Variants in SLC14A2 observed in about 807,000 individuals in gnomAD.
SLC14A2 encodes urea transporter 2.
Under a neutral mutation model 104.6 loss-of-function variants are expected in SLC14A2, and 91 were observed. The observed-to-expected ratio is 0.87, with a 90% confidence interval of 0.73 to 1.04. SLC14A2 has a LOEUF of 1.04. Ranked by LOEUF, SLC14A2 falls within the 50% of genes least tolerant of loss-of-function variation. The pLI, the probability that SLC14A2 is intolerant of heterozygous loss-of-function variation, is 0.00. For missense variants in SLC14A2, 1,189 were observed against 1,156.0 expected (o/e 1.03, Z -0.41); for synonymous variants, 476 against 466.4 (o/e 1.02, Z -0.27).
At chr18:45,643,070 T>A in intron 8 of SLC14A2, 62 bp from the exon 9 acceptor site, 1 of 1,503,680 alleles carries the variant, frequency 6.7e-7, no homozygotes, top group South Asian at 1.1e-5. Flanking sequence ...TGGTCTGCAA[T>A]GGCAGTGGCT....
At chr18:45,332,104 G>A (rs778032667) in intron 1 of SLC14A2, among the ~76,000 whole-genome samples, 2 of 152,138 alleles carry the variant, frequency 1.3e-5, no homozygotes, top group Non-Finnish European at 2.9e-5. Context: ...CTGAAGTTAA[G>A]GGAAGCTGTA....
intron 1 of SLC14A2, among the ~76,000 whole-genome samples, chr18:45,371,147 G>A (rs542697727): frequency 1.8e-4 from 28 of 152,292 alleles, no homozygotes; most frequent in African/African-American, 6.3e-4. Flanking sequence ...AGTCAAAAAT[G>A]TTTGATCTTG....
chr18:45,662,738 G>C (rs73956508), intron 10 of SLC14A2, among the ~76,000 whole-genome samples: 53 of 152,254 alleles, frequency 3.5e-4, no homozygotes, highest in African/African-American at 1.3e-3. Flanking sequence ...CAGAAAATAT[G>C]CAGATGTAAT....
intron 2 of SLC14A2, among the ~76,000 whole-genome samples, chr18:45,607,056 T>C (rs2044883793): frequency 6.6e-6 from 1 of 152,222 alleles, no homozygotes; most frequent in South Asian, 2.1e-4. Flanking sequence ...ACTGTTTTAA[T>C]ATTTTCTTAC....
intron 1 of SLC14A2, among the ~76,000 whole-genome samples, chr18:45,471,015 A>G (rs1427387415): frequency 6.6e-6 from 1 of 151,918 alleles, no homozygotes; most frequent in Non-Finnish European, 1.5e-5. Context: ...GTAATCCTAA[A>G]GTCATTAACA....
chr18:45,407,198 A>G (rs539207101), intron 1 of SLC14A2, among the ~76,000 whole-genome samples: 35 of 152,294 alleles, frequency 2.3e-4, no homozygotes, highest in Non-Finnish European at 3.7e-4. Flanking sequence ...GATCTTGGCT[A>G]GATCTTCTGG....
chr18:45,226,897 A>G (rs1379801505), intron 1 of SLC14A2, among the ~76,000 whole-genome samples: 2 of 152,018 alleles, frequency 1.3e-5, no homozygotes, highest in Non-Finnish European at 2.9e-5. Context: ...TTCCTCTCCT[A>G]ATTAGAGTCC....
At chr18:45,414,452 A>T (rs1355991869) in intron 1 of SLC14A2, among the ~76,000 whole-genome samples, 1 of 152,062 alleles carries the variant, frequency 6.6e-6, no homozygotes, top group Non-Finnish European at 1.5e-5. Flanking sequence ...TAAAAGGGAG[A>T]AAAGTCCTTC....
intron 2 of SLC14A2, among the ~76,000 whole-genome samples, chr18:45,485,988 G>T (rs953581374): frequency 6.8e-6 from 1 of 146,394 alleles, no homozygotes. Flanking sequence ...CAAATCAAGT[G>T]GATGATGTTC....
chr18:45,357,492 G>T (rs2085567356), intron 1 of SLC14A2, among the ~76,000 whole-genome samples: 1 of 152,082 alleles, frequency 6.6e-6, no homozygotes, highest in Admixed American at 6.5e-5. Flanking sequence ...GCACATGCGT[G>T]AGCCCAGGAA....
At chr18:45,654,219 G>A (rs1353861619) in intron 10 of SLC14A2, among the ~76,000 whole-genome samples, 1 of 152,154 alleles carries the variant, frequency 6.6e-6, no homozygotes, top group Non-Finnish European at 1.5e-5. Context: ...TCAACTGGCA[G>A]ACGTGCGCCA....
At chr18:45,556,213 C>A (rs968472183) in intron 2 of SLC14A2, among the ~76,000 whole-genome samples, 1 of 152,166 alleles carries the variant, frequency 6.6e-6, no homozygotes, top group Non-Finnish European at 1.5e-5. Context: ...TACTGAATCA[C>A]CTCCTAGTAC....
rs557010690 is a variant in SLC14A2 at position 45,667,873 on chromosome 18, A to T, written c.1758A>T (p.Arg586=). The change falls in exon 14 of 20, where the codon CGA becomes CGT. Residue 586 remains arginine, a synonymous_variant. Transcript: ENST00000255226. The part of the protein sequence containing the change: ...PVFQFFDWVL[R]GTSQVMFVNN... Reference sequence around the variant, plus strand: ...TCCAGTTCTTTGACTGGGTCCTCCGAGGCACATCTCAAGTGATGTTTGTGA... The same window carrying T: ...TCCAGTTCTTTGACTGGGTCCTCCGTGGCACATCTCAAGTGATGTTTGTGA... 1 of 1,614,100 alleles carries T rather than the reference A, an allele frequency of 6.2e-7. No individual in the cohort carries two copies. Among genetic ancestry groups the T allele is most frequent in the Admixed American group, 1.7e-5 (1 of 60,018 alleles).
chr18:45,295,487 G>T (rs1020833748), intron 1 of SLC14A2, among the ~76,000 whole-genome samples: 1 of 152,062 alleles, frequency 6.6e-6, no homozygotes, highest in African/African-American at 2.4e-5. Context: ...CCAGTCTGCA[G>T]CTTTCCACCG....
At chr18:45,309,464 G>A (rs564300033) in intron 1 of SLC14A2, among the ~76,000 whole-genome samples, 2 of 151,998 alleles carry the variant, frequency 1.3e-5, no homozygotes, top group South Asian at 2.1e-4. Context: ...ACAGATGGAT[G>A]ATTCCCATTG....
chr18:45,489,731 G>T (rs2087683921), intron 2 of SLC14A2, among the ~76,000 whole-genome samples: 1 of 152,150 alleles, frequency 6.6e-6, no homozygotes. Flanking sequence ...ACTGGAAGAT[G>T]CAAAACACTG....
intron 2 of SLC14A2, among the ~76,000 whole-genome samples, chr18:45,565,737 GC>G (rs2044257671): frequency 6.6e-6 from 1 of 152,204 alleles, no homozygotes; most frequent in African/African-American, 2.4e-5. Flanking sequence ...CAGTGTGCGT[GC>G]CCTGACCCGC....
At chr18:45,200,718 A>C in the SLC14A2 span, among the ~76,000 whole-genome samples, 1 of 152,166 alleles carries the variant, frequency 6.6e-6, no homozygotes, top group Non-Finnish European at 1.5e-5. Context: ...TCATGCACTT[A>C]GGCTTTGCCT....
At chr18:45,526,757 T>A (rs1170321691) in intron 2 of SLC14A2, among the ~76,000 whole-genome samples, 12 of 152,024 alleles carry the variant, frequency 7.9e-5, no homozygotes, top group Middle Eastern at 3.2e-3. Context: ...ACAAGCAGAA[T>A]GGAACAAGAT....
Sources: allele counts gnomAD v4.1 joint callset (sites outside exome capture counted in the v4.1 genomes callset), GRCh38; gene constraint gnomAD v4.1.1; transcripts MANE v1.5; gene names NCBI Gene and HGNC (gene_info 2026-07-23, HGNC 2026-07-21).